CADPS2: variants seen among roughly 807,000 people sequenced by gnomAD.
CADPS2 encodes calcium dependent secretion activator 2.
In CADPS2, 93 loss-of-function variants were observed where a neutral mutation model predicts 172.5. That is an observed-to-expected ratio of 0.54 (90% CI 0.46 to 0.64). The LOEUF (loss-of-function observed/expected upper bound fraction) is 0.64, where lower values mean the gene tolerates loss of function less well. Ranked by LOEUF, CADPS2 falls within the 30% of genes least tolerant of loss-of-function variation. The pLI is 0.00. For missense variants in CADPS2, 1,420 were observed against 1,565.9 expected (o/e 0.91, Z 1.57); for synonymous variants, 546 against 555.2 (o/e 0.98, Z 0.23).
intron 1 of CADPS2, among the ~76,000 whole-genome samples, chr7:122,881,683 A>G (rs1822974243): frequency 6.6e-6 from 1 of 152,172 alleles, no homozygotes; most frequent in Admixed American, 6.5e-5. Flanking sequence ...GGCCAGAAAG[A>G]AAGGCATACT....
chr7:122,388,891 C>A (rs1191070301), intron 22 of CADPS2, among the ~76,000 whole-genome samples, 153 bp from the exon 23 acceptor site: 2 of 152,010 alleles, frequency 1.3e-5, no homozygotes, highest in South Asian at 4.1e-4. Context: ...GTTCAGCCTT[C>A]TAATTGTTCC....
intron 1 of CADPS2, among the ~76,000 whole-genome samples, chr7:122,738,217 G>C (rs1271985589): frequency 1.3e-5 from 2 of 151,904 alleles, no homozygotes; most frequent in Non-Finnish European, 2.9e-5. Context: ...TAATTTGTAG[G>C]GCCCAGTGCA....
intron 1 of CADPS2, among the ~76,000 whole-genome samples, chr7:122,744,970 C>CTT (rs111615580): frequency 0.11 from 15,934 of 147,874 alleles, 918 homozygotes; most frequent in South Asian, 0.15. Context: ...TCTCATTTTT[C>CTT]TTTTTTTTTT....
chr7:122,434,415 C>A (rs2050381316), intron 17 of CADPS2, among the ~76,000 whole-genome samples: 1 of 152,020 alleles, frequency 6.6e-6, no homozygotes, highest in African/African-American at 2.4e-5. Flanking sequence ...TTGCTTATAA[C>A]ATTGCATACA....
intron 2 of CADPS2, among the ~76,000 whole-genome samples, chr7:122,689,430 G>A (rs966615578): frequency 1.3e-5 from 2 of 152,198 alleles, no homozygotes; most frequent in Non-Finnish European, 1.5e-5. Flanking sequence ...TTCAGGGCCC[G>A]AGCTGTGTGC....
intron 10 of CADPS2, among the ~76,000 whole-genome samples, chr7:122,490,505 G>A (rs1233094073): frequency 6.6e-6 from 1 of 152,074 alleles, no homozygotes; most frequent in Non-Finnish European, 1.5e-5. Context: ...AAATAACCTA[G>A]GGAAACAGTC....
intron 7 of CADPS2, among the ~76,000 whole-genome samples, chr7:122,564,401 T>G (rs113435165): frequency 0.2 from 30,540 of 151,972 alleles, 4,055 homozygotes; most frequent in Non-Finnish European, 0.3. Context: ...CTCTGCCTCC[T>G]AGGTTCAAGC....
rs747740330 is a variant in CADPS2 at position 122,621,592 on chromosome 7, T to C, written c.993A>G (p.Glu331=). Reference sequence around the variant, plus strand: ...AACGTTTTAATTTTTGTAATTTAAATTCCGGACCACCTTTCGAAACTGGAA... The same window carrying C: ...AACGTTTTAATTTTTGTAATTTAAACTCCGGACCACCTTTCGAAACTGGAA... ...ESLPVSKGGP[E]FKLQKLKRSQ... The change falls in exon 5 of 30, where the codon GAA becomes GAG. Residue 331 remains glutamate, a synonymous_variant. Transcript: ENST00000449022. The C allele has an allele frequency of 1.2e-6, 2 of 1,613,856 alleles. No individual in the cohort carries two copies. The highest frequency in any genetic ancestry group is 2.2e-5 in the South Asian group (2 of 91,082).
At chr7:122,339,781 G>A (rs1036889476) in intron 28 of CADPS2, among the ~76,000 whole-genome samples, 1 of 152,148 alleles carries the variant, frequency 6.6e-6, no homozygotes, top group Admixed American at 6.5e-5. Flanking sequence ...CAGCTACTCT[G>A]CAGCTGAGGC....
At chr7:122,502,614 G>A (rs1361107727) in intron 9 of CADPS2, among the ~76,000 whole-genome samples, 1 of 151,852 alleles carries the variant, frequency 6.6e-6, no homozygotes, top group Non-Finnish European at 1.5e-5. Context: ...CTAGAGGTTA[G>A]GATTCACATT....
intron 17 of CADPS2, among the ~76,000 whole-genome samples, chr7:122,425,017 T>G (rs2048975731): frequency 3.9e-5 from 6 of 152,108 alleles, no homozygotes; most frequent in Admixed American, 3.9e-4. Context: ...TCTTGCTCTG[T>G]CACCCAGGCT....
At chr7:122,512,190 A>T (rs2060052761) in intron 9 of CADPS2, among the ~76,000 whole-genome samples, 1 of 152,136 alleles carries the variant, frequency 6.6e-6, no homozygotes, top group South Asian at 2.1e-4. Flanking sequence ...ATCATGGGAC[A>T]TCAATAAAGT....
intron 11 of CADPS2, among the ~76,000 whole-genome samples, chr7:122,487,011 C>CTTTTTTT (rs535575706): frequency 8.1e-6 from 1 of 123,280 alleles, no homozygotes. Flanking sequence ...ATAAACATAA[C>CTTTTTTT]TTTTTTTTTT....
intron 7 of CADPS2, among the ~76,000 whole-genome samples, chr7:122,563,524 A>G (rs1357319146): frequency 6.6e-6 from 1 of 152,170 alleles, no homozygotes; most frequent in Non-Finnish European, 1.5e-5. Flanking sequence ...TCACTTCAAG[A>G]TAACAACAGA....
At chr7:122,337,649 TCTTACA>T (rs1337444917) in intron 28 of CADPS2, among the ~76,000 whole-genome samples, 2 of 152,062 alleles carry the variant, frequency 1.3e-5, no homozygotes, top group Non-Finnish European at 2.9e-5. Context: ...TTTTATAAAT[TCTTACA>T]CTTACAAATA....
At chr7:122,490,691 T>C (rs2058201166) in intron 10 of CADPS2, among the ~76,000 whole-genome samples, 2 of 145,258 alleles carry the variant, frequency 1.4e-5, no homozygotes, top group South Asian at 4.4e-4. Flanking sequence ...GCATGTATTT[T>C]ATCTTTTATA....
intron 24 of CADPS2, among the ~76,000 whole-genome samples, chr7:122,382,900 A>T (rs1266797851): frequency 6.6e-6 from 1 of 152,158 alleles, no homozygotes; most frequent in African/African-American, 2.4e-5. Flanking sequence ...CAGTTTGAAG[A>T]TTTCTCAAAG....
At chr7:122,627,285 GGTCA>G (rs1477813547) in intron 4 of CADPS2, among the ~76,000 whole-genome samples, 1 of 152,230 alleles carries the variant, frequency 6.6e-6, no homozygotes, top group African/African-American at 2.4e-5. Context: ...AATTCAGCAA[GGTCA>G]GTCAATTGTT....
At chr7:122,698,804 T>C in intron 2 of CADPS2, 1 of 1,613,856 alleles carries the variant, frequency 6.2e-7, no homozygotes. Flanking sequence ...ATATAAGCCA[T>C]CCAAACAACA....
Sources: allele counts gnomAD v4.1 joint callset (sites outside exome capture counted in the v4.1 genomes callset), GRCh38; gene constraint gnomAD v4.1.1; transcripts MANE v1.5; gene names NCBI Gene and HGNC (gene_info 2026-07-23, HGNC 2026-07-21).